Variants in WWOX observed in about 807,000 individuals in gnomAD.
WWOX encodes WW domain-containing oxidoreductase.
WWOX carries 69 observed loss-of-function variants against 46.2 expected under a neutral mutation model. The ratio of observed to expected loss-of-function variants is 1.49; its 90% confidence interval spans 1.23 to 1.82. WWOX has a LOEUF of 1.82. WWOX is among the 40% of genes most tolerant of loss of function. WWOX has a pLI of 0.00. For synonymous variants in WWOX, 359 were observed against 202.6 expected, an observed-to-expected ratio of 1.77 and a Z score of -6.56; for missense variants, 919 against 542.6, an observed-to-expected ratio of 1.69 and a Z score of -6.89.
rs141068610 is a variant in WWOX at position 78,408,238 on chromosome 16, T to C, written c.606-16632T>C. On this transcript the variant is annotated intron_variant, in intron 6 of 8. Transcript: ENST00000566780. ...CCCCACCTTTCACCTATTTTACATA[T>C]TCCTGCCCTTCCCTAACTGGTTTCC... Among the ~76,000 whole-genome samples, 1,190 of 152,316 alleles carry C rather than the reference T, an allele frequency of 7.8e-3. 11 individuals are homozygous for C. Among genetic ancestry groups the C allele is most frequent in the South Asian group, 0.015 (73 of 4,824 alleles).
intron 8 of WWOX, among the ~76,000 whole-genome samples, chr16:78,985,728 C>T (rs1029017366): frequency 6.6e-5 from 10 of 152,130 alleles, no homozygotes; most frequent in Non-Finnish European, 1.0e-4. Context: ...AAGGTCGTGC[C>T]ACTGCACTCC....
chr16:78,796,913 C>T (rs972306209), intron 8 of WWOX, among the ~76,000 whole-genome samples: 1 of 151,434 alleles, frequency 6.6e-6, no homozygotes, highest in East Asian at 1.9e-4. Flanking sequence ...GCAAATTCTG[C>T]CTGCTAAGAT....
At chr16:78,648,770 C>G (rs553267027) in intron 8 of WWOX, among the ~76,000 whole-genome samples, 20 of 152,174 alleles carry the variant, frequency 1.3e-4, no homozygotes, top group Non-Finnish European at 2.8e-4. Flanking sequence ...TCTTTCTCTC[C>G]ACCTCCTTTG....
chr16:78,816,175 C>G (rs751691513), intron 8 of WWOX, among the ~76,000 whole-genome samples: 3 of 152,168 alleles, frequency 2.0e-5, no homozygotes, highest in Non-Finnish European at 2.9e-5. Context: ...ACTGGACCCC[C>G]TCTGATAAAC....
chr16:78,666,671 C>T (rs2142189032), intron 8 of WWOX, among the ~76,000 whole-genome samples: 1 of 152,240 alleles, frequency 6.6e-6, no homozygotes, highest in African/African-American at 2.4e-5. Flanking sequence ...TGGGAAGGGC[C>T]ATCGTGCAGT....
chr16:78,315,978 A>C (rs1490321817), intron 5 of WWOX, among the ~76,000 whole-genome samples: 1 of 151,118 alleles, frequency 6.6e-6, no homozygotes, highest in Non-Finnish European at 1.5e-5. Flanking sequence ...AGTTGCGGTC[A>C]CTCAAACCTG....
At position 78,476,139 on chromosome 16, in the gene WWOX, T is replaced by C. The variant is rs114270184; in HGVS notation, c.1056+43387T>C. 4.3e-3 allele frequency among the ~76,000 whole-genome samples: 661 copies of C among 152,328 alleles called. 6 individuals are homozygous for C. The highest frequency in any genetic ancestry group is 0.015 in the African/African-American group (636 of 41,570). ...CAAATCTTGCCTGTGATACAGGTGG[T>C]GAAGCTACTGGATAGAACTGGAGCA... On this transcript the variant is annotated intron_variant, in intron 8 of 8. Transcript: ENST00000566780.
At chr16:78,427,612 A>T (rs553802374) in intron 7 of WWOX, among the ~76,000 whole-genome samples, 12 of 152,104 alleles carry the variant, frequency 7.9e-5, no homozygotes, top group African/African-American at 2.9e-4. Flanking sequence ...TTAGGCGGGA[A>T]TTTTAAAAAT....
chr16:78,640,479 C>T (rs886668117), intron 8 of WWOX, among the ~76,000 whole-genome samples: 6 of 151,956 alleles, frequency 3.9e-5, no homozygotes, highest in Non-Finnish European at 8.8e-5. Flanking sequence ...TTGATGTGAG[C>T]GGGTTCCTGT....
At chr16:79,041,741 C>T (rs1302049743) in intron 8 of WWOX, among the ~76,000 whole-genome samples, 2 of 152,152 alleles carry the variant, frequency 1.3e-5, no homozygotes, top group Non-Finnish European at 2.9e-5. Flanking sequence ...TCATGGAATC[C>T]AGGGCTTGAG....
chr16:78,478,330 C>G lies in WWOX; in HGVS notation c.1056+45578C>G, dbSNP rs140781748. Among the ~76,000 whole-genome samples the G allele has an allele frequency of 6.7e-3, 1,026 of 152,228 alleles. 11 individuals carry two copies. Among genetic ancestry groups the G allele is most frequent in the African/African-American group, 0.023 (969 of 41,544 alleles). On this transcript the variant is annotated intron_variant, in intron 8 of 8. Coordinates refer to ENST00000566780, the MANE Select transcript of WWOX (RefSeq NM_016373.4). ...CATCTTCTCAGACGGTTTAAAATTC[C>G]CTTAAATGATGTTTTTAAATGTAAA...
chr16:79,143,444 G>C (rs1403148828), intron 8 of WWOX, among the ~76,000 whole-genome samples: 1 of 152,160 alleles, frequency 6.6e-6, no homozygotes, highest in African/African-American at 2.4e-5. Context: ...CTGAACGGTG[G>C]TGTATTCTGT....
At chr16:78,566,387 C>T (rs1375372240) in intron 8 of WWOX, among the ~76,000 whole-genome samples, 2 of 152,164 alleles carry the variant, frequency 1.3e-5, no homozygotes, top group East Asian at 1.9e-4. Flanking sequence ...AGTGGGAGAA[C>T]ATGGTATCAG....
Position 78,709,783 on chromosome 16 carries a change from C to A in WWOX, c.1056+277031C>A, listed in dbSNP as rs960719021. Among the ~76,000 whole-genome samples the A allele has an allele frequency of 2.0e-5, 3 of 150,244 alleles. No homozygotes were observed. In the Admixed American group the frequency reaches 2.0e-4, roughly 10 times the overall value. On this transcript the variant is annotated intron_variant, in intron 8 of 8. Coordinates refer to ENST00000566780, the MANE Select transcript of WWOX (RefSeq NM_016373.4). The stretch of plus-strand genomic sequence containing the variant: ...TCTCTCTGTCACCCACGCTGGAGTG[C>A]AGTGGTGTGATCTCAGCTCACTGCA...
chr16:78,802,457 A>T (rs1294400005), intron 8 of WWOX, among the ~76,000 whole-genome samples: 1 of 152,090 alleles, frequency 6.6e-6, no homozygotes, highest in Non-Finnish European at 1.5e-5. Flanking sequence ...GGCTTTGGAA[A>T]TCCACTATAT....
intron 8 of WWOX, among the ~76,000 whole-genome samples, chr16:78,436,821 G>A (rs1977025): frequency 0.059 from 8,909 of 152,248 alleles, 441 homozygotes; most frequent in East Asian, 0.22. Flanking sequence ...GCTATCCTGC[G>A]TATGTGGCTC....
intron 6 of WWOX, among the ~76,000 whole-genome samples, chr16:78,400,482 T>C (rs946753038): frequency 6.6e-6 from 1 of 152,138 alleles, no homozygotes; most frequent in Non-Finnish European, 1.5e-5. Context: ...TTGTTCTGCA[T>C]TGTGGATCGA....
At chr16:78,803,766 C>G (rs527919885) in intron 8 of WWOX, among the ~76,000 whole-genome samples, 1 of 152,166 alleles carries the variant, frequency 6.6e-6, no homozygotes, top group Admixed American at 6.5e-5. Flanking sequence ...GCCTAAATGG[C>G]ATTCTTGGAA....
intron 6 of WWOX, among the ~76,000 whole-genome samples, chr16:78,405,838 C>T (rs543374307): frequency 6.6e-6 from 1 of 152,168 alleles, no homozygotes; most frequent in East Asian, 1.9e-4. Context: ...GGTTTATTCA[C>T]TTTCCTGAGG....
Sources: allele counts gnomAD v4.1 joint callset (sites outside exome capture counted in the v4.1 genomes callset), GRCh38; gene constraint gnomAD v4.1.1; transcripts MANE v1.5; gene names NCBI Gene and HGNC (gene_info 2026-07-23, HGNC 2026-07-21).